ADGRG6: variants seen among roughly 807,000 people sequenced by gnomAD.
The protein encoded by ADGRG6 is G-protein coupled receptor 126.
ADGRG6 carries 84 observed loss-of-function variants against 142.4 expected under a neutral mutation model. The ratio of observed to expected loss-of-function variants is 0.59; its 90% confidence interval spans 0.49 to 0.71. ADGRG6 has a LOEUF of 0.71. Ranked by LOEUF, ADGRG6 falls within the 30% of genes least tolerant of loss-of-function variation. ADGRG6 has a pLI of 0.00. For synonymous variants in ADGRG6, 521 were observed against 520.5 expected (o/e 1.00, Z -0.01); for missense variants, 1,367 against 1,466.6 (o/e 0.93, Z 1.11).
At chr6:142,422,013 T>C (rs1776674848) in intron 22 of ADGRG6, among the ~76,000 whole-genome samples, 3 of 152,196 alleles carry the variant, frequency 2.0e-5, no homozygotes. Context: ...TTGAGTCATT[T>C]TCAGAACCTT....
In ADGRG6 at chr6:142,302,122, C is replaced by G. The variant is rs1242856757; in HGVS notation, c.-208C>G. On this transcript the variant is annotated 5_prime_UTR_variant, in exon 1 of 25. Transcript: ENST00000367609. Reference sequence around the variant, plus strand: ...GCCAGCCTGCTTCCTCGTCCGCAGGCCCTGCGCTGAACGCTGCCGCGCCCA... The same window carrying G: ...GCCAGCCTGCTTCCTCGTCCGCAGGGCCTGCGCTGAACGCTGCCGCGCCCA... The G allele has an allele frequency of 3.5e-6, 2 of 570,100 alleles. No individual in the cohort carries two copies. Among genetic ancestry groups the G allele is most frequent in the Admixed American group, 6.8e-5 (2 of 29,628 alleles). The allele number at this position is 570,100 out of a possible 1,614,324, so 35.3% of individuals were successfully genotyped here. A position where few individuals can be genotyped will look rare whatever the true frequency, so the allele number is the denominator to read the frequency against.
At chr6:142,329,171 C>T (rs1778920602) in intron 2 of ADGRG6, among the ~76,000 whole-genome samples, 2 of 152,066 alleles carry the variant, frequency 1.3e-5, no homozygotes, top group African/African-American at 4.8e-5. Context: ...TATTATTTAG[C>T]ACAGTTATTT....
intron 2 of ADGRG6, among the ~76,000 whole-genome samples, chr6:142,338,363 T>C (rs1779452281): frequency 6.6e-6 from 1 of 151,940 alleles, no homozygotes; most frequent in Non-Finnish European, 1.5e-5. Flanking sequence ...TCTTTGAATT[T>C]AATGATATTA....
In ADGRG6 at chr6:142,393,394, T is replaced by A. The variant is rs1289089926; in HGVS notation, c.1361+394T>A. ...CAGATCTAATTTCGTACATCGACAG[T>A]CTGTCTGATTGCAACCTAACTTTTC... On this transcript the variant is annotated intron_variant, in intron 8 of 24. Coordinates refer to ENST00000367609, the MANE Select transcript of ADGRG6 (RefSeq NM_198569.3). Among the ~76,000 whole-genome samples the A allele has an allele frequency of 2.0e-5, 3 of 152,090 alleles. No individual in the cohort carries two copies. The East Asian group carries it at 5.8e-4, about 29-fold the overall frequency.
chr6:142,373,852 T>C (rs1781367571), intron 4 of ADGRG6, among the ~76,000 whole-genome samples: 1 of 151,886 alleles, frequency 6.6e-6, no homozygotes, highest in African/African-American at 2.4e-5. Flanking sequence ...CACACATGTT[T>C]TTTTAATACT....
At chr6:142,345,947 G>T (rs1315408291) in intron 2 of ADGRG6, among the ~76,000 whole-genome samples, 1 of 152,164 alleles carries the variant, frequency 6.6e-6, no homozygotes, top group African/African-American at 2.4e-5. Flanking sequence ...ATTAGTAGAT[G>T]ACTTCGATTT....
intron 21 of ADGRG6, among the ~76,000 whole-genome samples, chr6:142,417,704 G>A (rs1160450338): frequency 6.6e-6 from 1 of 152,170 alleles, no homozygotes; most frequent in Non-Finnish European, 1.5e-5. Context: ...TTAAATAGCA[G>A]TATCAGACAG....
intron 3 of ADGRG6, among the ~76,000 whole-genome samples, chr6:142,368,127 T>C (rs1280588042): frequency 6.6e-6 from 1 of 152,214 alleles, no homozygotes. Context: ...TTGAATTCTT[T>C]TATATTGTTT....
At chr6:142,345,202 G>A (rs1468117550) in intron 2 of ADGRG6, among the ~76,000 whole-genome samples, 1 of 152,056 alleles carries the variant, frequency 6.6e-6, no homozygotes, top group Non-Finnish European at 1.5e-5. Flanking sequence ...ATTCACTGAT[G>A]AATTAATAAC....
intron 24 of ADGRG6, among the ~76,000 whole-genome samples, chr6:142,439,772 T>C (rs1414978037): frequency 6.6e-6 from 1 of 152,184 alleles, no homozygotes; most frequent in African/African-American, 2.4e-5. Flanking sequence ...TTTCACAATT[T>C]TGCATAAAAT....
At chr6:142,419,171 T>C (rs1222951999) in intron 21 of ADGRG6, among the ~76,000 whole-genome samples, 2 of 152,130 alleles carry the variant, frequency 1.3e-5, no homozygotes, top group Non-Finnish European at 2.9e-5. Flanking sequence ...GTTTACTCTT[T>C]GCACATGACA....
intron 4 of ADGRG6, among the ~76,000 whole-genome samples, chr6:142,379,262 A>C (rs1781641365): frequency 6.6e-6 from 1 of 152,116 alleles, no homozygotes; most frequent in Non-Finnish European, 1.5e-5. Flanking sequence ...GTCTTTAATT[A>C]GTTGCTAAAT....
intron 2 of ADGRG6, among the ~76,000 whole-genome samples, chr6:142,340,449 T>C (rs990729189): frequency 6.6e-6 from 1 of 152,120 alleles, no homozygotes; most frequent in Non-Finnish European, 1.5e-5. Context: ...GTAATGGTAA[T>C]AAGGTTACTT....
chr6:142,406,420 T>A (rs974893255), intron 15 of ADGRG6, among the ~76,000 whole-genome samples: 1 of 152,240 alleles, frequency 6.6e-6, no homozygotes, highest in African/African-American at 2.4e-5. Context: ...CCTTTACAAG[T>A]ACAACCTGAT....
At chr6:142,345,735 A>G (rs1190013647) in intron 2 of ADGRG6, among the ~76,000 whole-genome samples, 1 of 152,172 alleles carries the variant, frequency 6.6e-6, no homozygotes, top group African/African-American at 2.4e-5. Context: ...GTCTGAGGCA[A>G]AAGTATAACC....
At chr6:142,410,097 T>G (rs934633718) in intron 17 of ADGRG6, among the ~76,000 whole-genome samples, 178 bp downstream of exon 17, 2 of 152,114 alleles carry the variant, frequency 1.3e-5, no homozygotes, top group Admixed American at 6.6e-5. Context: ...CTAATTTCTG[T>G]AACTTTTTAG....
intron 6 of ADGRG6, among the ~76,000 whole-genome samples, chr6:142,385,763 G>A (rs1448426794): frequency 2.0e-5 from 3 of 151,936 alleles, no homozygotes; most frequent in Non-Finnish European, 4.4e-5. Flanking sequence ...TTTCTTTGAT[G>A]TAATCAAATT....
At chr6:142,443,109 C>T (rs561140807) in intron 24 of ADGRG6, among the ~76,000 whole-genome samples, 2 of 152,202 alleles carry the variant, frequency 1.3e-5, no homozygotes, top group African/African-American at 4.8e-5. Flanking sequence ...TGGTAAGCCA[C>T]AGTACAAATT....
intron 2 of ADGRG6, among the ~76,000 whole-genome samples, chr6:142,354,723 C>G (rs753675865): frequency 9.9e-5 from 15 of 152,146 alleles, no homozygotes; most frequent in African/African-American, 1.4e-4. Context: ...AATTTAAAAG[C>G]TATTCCTTTC....
Sources: gnomAD v4.1 joint callset for allele counts (sites outside exome capture counted in the v4.1 genomes callset) on GRCh38, gnomAD v4.1.1 for gene constraint, MANE v1.5 for transcripts, NCBI Gene and HGNC (gene_info 2026-07-23, HGNC 2026-07-21) for gene names.